The following PTPRD variants were observed in gnomAD, a reference collection of about 807,000 sequenced individuals.
PTPRD encodes receptor-type tyrosine-protein phosphatase delta.
A neutral mutation model predicts 214.5 loss-of-function variants in PTPRD; 34 were observed. The observed-to-expected ratio is 0.16, with a 90% CI of 0.12 to 0.21. The LOEUF is 0.21. Ranked by LOEUF, PTPRD falls within the 10% of genes least tolerant of loss-of-function variation. PTPRD has a pLI of 1.00. For synonymous variants in PTPRD, 1,128 were observed against 845.7 expected (o/e 1.33, Z -5.79); for missense variants, 2,545 against 2,398.7 (o/e 1.06, Z -1.27).
chr9:9,914,082 C>A (rs1293426295), intron 5 of PTPRD, among the ~76,000 whole-genome samples: 2 of 152,176 alleles, frequency 1.3e-5, no homozygotes, highest in East Asian at 3.9e-4. Flanking sequence ...GATAAATAAT[C>A]TTACAGTCCT....
At chr9:9,258,005 T>C (rs539626538) in intron 9 of PTPRD, among the ~76,000 whole-genome samples, 3 of 151,964 alleles carry the variant, frequency 2.0e-5, no homozygotes, top group African/African-American at 7.2e-5. Context: ...TTAAATTTAA[T>C]ATAATTTGGC....
intron 3 of PTPRD, among the ~76,000 whole-genome samples, chr9:10,082,260 G>A (rs1044894058): frequency 3.3e-5 from 5 of 152,060 alleles, no homozygotes; most frequent in African/African-American, 1.2e-4. Context: ...AGTTGGTACA[G>A]GTTTAGAATT....
intron 7 of PTPRD, among the ~76,000 whole-genome samples, chr9:9,681,531 C>T (rs2097070929): frequency 6.6e-6 from 1 of 151,644 alleles, no homozygotes; most frequent in Non-Finnish European, 1.5e-5. Flanking sequence ...CCCGTCTAAA[C>T]CCAGTATGAC....
chr9:8,886,144 C>A (rs899287490), intron 11 of PTPRD, among the ~76,000 whole-genome samples: 5 of 152,086 alleles, frequency 3.3e-5, no homozygotes, highest in African/African-American at 1.2e-4. Flanking sequence ...AACTTAAGTC[C>A]AGCTGATTTG....
At chr9:8,578,422 C>T (rs962339264) in intron 14 of PTPRD, among the ~76,000 whole-genome samples, 14 of 151,988 alleles carry the variant, frequency 9.2e-5, no homozygotes, top group East Asian at 3.9e-4. Context: ...TAAAACATTT[C>T]GTATATAACT....
At chr9:8,436,530 T>C in intron 35 of PTPRD, 62 bp downstream of exon 35, 3 of 1,284,262 alleles carry the variant, frequency 2.3e-6, no homozygotes, top group Non-Finnish European at 3.4e-6. Flanking sequence ...TTCAAGAATA[T>C]GGTCAAAAAA....
intron 4 of PTPRD, among the ~76,000 whole-genome samples, chr9:10,030,838 G>A (rs1472703233): frequency 1.3e-5 from 2 of 152,138 alleles, no homozygotes; most frequent in African/African-American, 4.8e-5. Context: ...GGACTCTATG[G>A]TTTGTCATTT....
intron 3 of PTPRD, among the ~76,000 whole-genome samples, chr9:10,158,755 C>T (rs924050579): frequency 4.6e-5 from 7 of 152,118 alleles, no homozygotes; most frequent in African/African-American, 1.2e-4. Context: ...GTCTCTACAC[C>T]GTTAAAAATG....
At chr9:10,035,490 G>A (rs566473349) in intron 3 of PTPRD, among the ~76,000 whole-genome samples, 2 of 152,034 alleles carry the variant, frequency 1.3e-5, no homozygotes, top group African/African-American at 2.4e-5. Flanking sequence ...TGGCATCTTC[G>A]TCATGAAATC....
chr9:8,474,397 G>A (rs2096721828), intron 30 of PTPRD, among the ~76,000 whole-genome samples: 1 of 152,002 alleles, frequency 6.6e-6, no homozygotes, highest in African/African-American at 2.4e-5. Flanking sequence ...ACGTACCACT[G>A]AAGCTCTCAG....
At chr9:9,120,840 A>C (rs1218877803) in intron 10 of PTPRD, among the ~76,000 whole-genome samples, 3 of 152,198 alleles carry the variant, frequency 2.0e-5, no homozygotes, top group African/African-American at 4.8e-5. Context: ...AGCTAAGTCT[A>C]AACGTTTCCA....
At chr9:9,157,652 G>A in intron 10 of PTPRD, among the ~76,000 whole-genome samples, 1 of 152,092 alleles carries the variant, frequency 6.6e-6, no homozygotes, top group East Asian at 1.9e-4. Context: ...AGAAGCCCAG[G>A]ACCAGATGGC....
At chr9:8,764,365 G>C (rs1201213244) in intron 11 of PTPRD, among the ~76,000 whole-genome samples, 1 of 152,160 alleles carries the variant, frequency 6.6e-6, no homozygotes, top group Non-Finnish European at 1.5e-5. Flanking sequence ...TTATTGTTTG[G>C]TTTCAAGGCA....
At chr9:8,966,420 G>GA (rs912429890) in intron 11 of PTPRD, among the ~76,000 whole-genome samples, 30 of 145,250 alleles carry the variant, frequency 2.1e-4, no homozygotes, top group African/African-American at 3.3e-4. Flanking sequence ...CAGTGGAAGA[G>GA]AAAAAAAAAA....
intron 11 of PTPRD, among the ~76,000 whole-genome samples, chr9:8,809,358 T>A (rs553386013): frequency 2.0e-4 from 31 of 152,264 alleles, no homozygotes; most frequent in African/African-American, 7.0e-4. Flanking sequence ...GAAATTGGCA[T>A]CTGCATCTTA....
At chr9:10,582,647 C>A (rs1306404909) in intron 2 of PTPRD, among the ~76,000 whole-genome samples, 10 of 152,100 alleles carry the variant, frequency 6.6e-5, no homozygotes, top group Admixed American at 6.6e-4. Flanking sequence ...TCTATCCATC[C>A]ATTTAGTATA....
At chr9:8,796,645 G>A (rs940935484) in intron 11 of PTPRD, among the ~76,000 whole-genome samples, 1 of 152,030 alleles carries the variant, frequency 6.6e-6, no homozygotes, top group African/African-American at 2.4e-5. Context: ...AAATCATCAT[G>A]TGCCTGATAA....
chr9:9,460,688 T>C (rs1001874974), intron 8 of PTPRD, among the ~76,000 whole-genome samples: 2 of 152,012 alleles, frequency 1.3e-5, no homozygotes, highest in African/African-American at 4.8e-5. Flanking sequence ...TTGGCAAAGA[T>C]GTGGAGAAAA....
In PTPRD at chr9:8,713,443, T is replaced by G. The variant is rs954835855; in HGVS notation, c.64+20337A>C. 18 of 1,092,730 alleles carry G rather than the reference T, an allele frequency of 1.6e-5. No individual in the cohort carries two copies. The African/African-American group carries it at 2.1e-4, about 13-fold the overall frequency. The allele number at this position is 1,092,730 out of a possible 1,614,324, so 67.7% of individuals were successfully genotyped here. ...TCGTGTCGTCGCCAAGTCCCGCTTCTGGTACTTCGTATCTCAGTTAAAGAA... is the reference window on the plus strand; with the variant it reads ...TCGTGTCGTCGCCAAGTCCCGCTTCGGGTACTTCGTATCTCAGTTAAAGAA... On this transcript the variant is annotated intron_variant, in intron 12 of 45. Coordinates refer to ENST00000381196, the MANE Select transcript of PTPRD (RefSeq NM_002839.4).
Sources: gnomAD v4.1 joint callset for allele counts (sites outside exome capture counted in the v4.1 genomes callset) on GRCh38, gnomAD v4.1.1 for gene constraint, MANE v1.5 for transcripts, NCBI Gene and HGNC (gene_info 2026-07-23, HGNC 2026-07-21) for gene names.